Variants in PIP4P2 observed in about 807,000 individuals in gnomAD.
The protein encoded by PIP4P2 is phosphatidylinositol-4,5-bisphosphate 4-phosphatase 2, also known as type 2 phosphatidylinositol 4,5-bisphosphate 4-phosphatase.
PIP4P2 carries 19 observed loss-of-function variants against 33.3 expected under a neutral mutation model. The observed-to-expected ratio is 0.57, with a 90% CI of 0.40 to 0.84. PIP4P2 has a LOEUF of 0.84. PIP4P2 is among the 40% of genes least tolerant of loss of function. The probability of loss-of-function intolerance (pLI) is 0.00; values close to 1 mark genes in which losing one functional copy is unlikely to be tolerated. For missense variants in PIP4P2, 270 were observed against 324.7 expected (o/e 0.83, Z 1.29); for synonymous variants, 110 against 111.9 (o/e 0.98, Z 0.11).
At chr8:91,026,228 A>G (rs1468943392) in intron 1 of PIP4P2, among the ~76,000 whole-genome samples, 2 of 152,060 alleles carry the variant, frequency 1.3e-5, no homozygotes, top group Admixed American at 6.6e-5. Flanking sequence ...TTTGCTCCCA[A>G]TCTGCTTGCT....
At chr8:91,010,296 T>C (rs1306230233) in intron 4 of PIP4P2, among the ~76,000 whole-genome samples, 2 of 151,846 alleles carry the variant, frequency 1.3e-5, no homozygotes, top group Non-Finnish European at 2.9e-5. Context: ...AAAATTTAAG[T>C]TTTTCATAGT....
chr8:91,027,413 G>C (rs1012378917), intron 1 of PIP4P2, among the ~76,000 whole-genome samples: 1 of 152,210 alleles, frequency 6.6e-6, no homozygotes, highest in African/African-American at 2.4e-5. Context: ...GCCTTACAAG[G>C]GGATGACCAT....
chr8:91,004,430 T>C (rs1208663652), intron 5 of PIP4P2, among the ~76,000 whole-genome samples: 1 of 151,926 alleles, frequency 6.6e-6, no homozygotes, highest in African/African-American at 2.4e-5. Flanking sequence ...CTCACACATA[T>C]CCAGAAGTAA....
At chr8:91,021,109 G>A in intron 2 of PIP4P2, 147 bp downstream of exon 2, 1 of 931,094 alleles carries the variant, frequency 1.1e-6, no homozygotes, top group Non-Finnish European at 1.6e-6. Flanking sequence ...TATGATGAAA[G>A]AGAGACAGAA....
At chr8:91,016,820 C>T (rs1438671571) in intron 4 of PIP4P2, 1 of 151,974 alleles carries the variant, frequency 6.6e-6, no homozygotes, top group African/African-American at 2.4e-5. Flanking sequence ...TTCCTTGATG[C>T]AATTAATTAT....
chr8:91,018,007 C>T (rs73694357), intron 4 of PIP4P2, among the ~76,000 whole-genome samples: 1 of 152,016 alleles, frequency 6.6e-6, no homozygotes, highest in Non-Finnish European at 1.5e-5. Context: ...TCAAATTTTT[C>T]CTCAATCTAG....
chr8:91,024,718 G>T (rs1812058368), intron 1 of PIP4P2, among the ~76,000 whole-genome samples: 1 of 152,002 alleles, frequency 6.6e-6, no homozygotes, highest in Non-Finnish European at 1.5e-5. Context: ...TCCTCATTTT[G>T]GAAAAGTCTT....
intron 5 of PIP4P2, among the ~76,000 whole-genome samples, chr8:91,001,065 T>G (rs1563561179): frequency 6.6e-6 from 1 of 152,090 alleles, no homozygotes; most frequent in Non-Finnish European, 1.5e-5. Flanking sequence ...TCTATATCTA[T>G]CTGGTTATTT....
chr8:90,995,996 T>C (rs1811624147), intron 6 of PIP4P2, among the ~76,000 whole-genome samples, 176 bp from the exon 7 acceptor site: 1 of 152,212 alleles, frequency 6.6e-6, no homozygotes, highest in Non-Finnish European at 1.5e-5. Context: ...ATACTGCTAC[T>C]TGTAGTAACT....
intron 5 of PIP4P2, among the ~76,000 whole-genome samples, chr8:91,006,165 C>A (rs1450635415): frequency 6.6e-6 from 1 of 152,178 alleles, no homozygotes; most frequent in African/African-American, 2.4e-5. Flanking sequence ...GATGACCCAT[C>A]ATTTTGCTCT....
At chr8:91,013,046 T>A (rs1345227036) in intron 4 of PIP4P2, among the ~76,000 whole-genome samples, 1 of 152,198 alleles carries the variant, frequency 6.6e-6, no homozygotes, top group Non-Finnish European at 1.5e-5. Context: ...TATGCTATTC[T>A]TGACTATCAT....
chr8:91,002,878 A>C (rs1811717079), intron 5 of PIP4P2, among the ~76,000 whole-genome samples: 1 of 152,194 alleles, frequency 6.6e-6, no homozygotes, highest in South Asian at 2.1e-4. Flanking sequence ...TTGTGGAAGT[A>C]GAAGTGCAAT....
intron 1 of PIP4P2, among the ~76,000 whole-genome samples, chr8:91,029,823 C>T (rs557323202): frequency 9.3e-4 from 141 of 152,094 alleles, no homozygotes; most frequent in African/African-American, 2.8e-3. Flanking sequence ...AAGAATTAGC[C>T]GGGCGTGGTG....
chr8:91,028,976 A>T (rs1264137468), intron 1 of PIP4P2, among the ~76,000 whole-genome samples: 1 of 152,176 alleles, frequency 6.6e-6, no homozygotes, highest in Non-Finnish European at 1.5e-5. Context: ...TAGCCCATGG[A>T]TTAATCGAAT....
chr8:91,031,856 T>G (rs965496856), intron 1 of PIP4P2, among the ~76,000 whole-genome samples: 4 of 152,066 alleles, frequency 2.6e-5, no homozygotes, highest in African/African-American at 7.2e-5. Flanking sequence ...CATTTTAAAT[T>G]TATAGATATA....
rs185998569 is a variant in PIP4P2 at position 91,007,832 on chromosome 8, C to T, written c.539+911G>A. On this transcript the variant is annotated intron_variant, in intron 5 of 6. Coordinates refer to ENST00000285419, the MANE Select transcript of PIP4P2 (RefSeq NM_018710.3). ...GTATGGTTTATGCTAAACATAAATT[C>T]CATTCAAACAGGAATTTGGAATTTT... Among the ~76,000 whole-genome samples the T allele has an allele frequency of 1.8e-3, 270 of 152,252 alleles. 2 individuals carry two copies. Among genetic ancestry groups the T allele is most frequent in the Middle Eastern group, 0.01 (3 of 294 alleles).
At position 90,996,719 on chromosome 8, in the gene PIP4P2, G is replaced by T. The variant is rs768655128; in HGVS notation, c.565C>A (p.Arg189=). 6.2e-6 allele frequency: 10 copies of T among 1,608,770 alleles called. No individual in the cohort carries two copies. Among genetic ancestry groups the T allele is most frequent in the Admixed American group, 5.0e-5 (3 of 59,452 alleles). The part of the protein sequence containing the change: ...KISSVGSALP[R]RRCCAYITIG... ...GTAATATATGCACAGCAGCGTCTTC[G>T]TGGAAGTGCACTACCCACTGAGGAG... The change falls in exon 6 of 7, where the codon CGA becomes AGA. Residue 189 remains arginine (R), a synonymous_variant. Coordinates refer to ENST00000285419, the MANE Select transcript of PIP4P2 (RefSeq NM_018710.3).
chr8:91,029,787 G>A (rs987511811), intron 1 of PIP4P2, among the ~76,000 whole-genome samples: 3 of 152,018 alleles, frequency 2.0e-5, no homozygotes, highest in African/African-American at 4.8e-5. Context: ...TGGCTAACAC[G>A]GTGAAATCCC....
At chr8:90,999,406 C>T (rs1368382007) in intron 5 of PIP4P2, among the ~76,000 whole-genome samples, 1 of 152,034 alleles carries the variant, frequency 6.6e-6, no homozygotes, top group Admixed American at 6.6e-5. Flanking sequence ...GCTGTACTCC[C>T]TGATTGGTAT....
Sources: gnomAD v4.1 joint callset for allele counts (sites outside exome capture counted in the v4.1 genomes callset) on GRCh38, gnomAD v4.1.1 for gene constraint, MANE v1.5 for transcripts, NCBI Gene and HGNC (gene_info 2026-07-23, HGNC 2026-07-21) for gene names.